The following C11orf65 variants were observed in gnomAD, a reference collection of about 807,000 sequenced individuals.
C11orf65 encodes the protein chromosome 11 open reading frame 65, also known as protein MFI.
A neutral mutation model predicts 35.3 loss-of-function variants in C11orf65; 38 were observed. That is an observed-to-expected ratio of 1.08 (90% CI 0.83 to 1.41). The LOEUF is 1.41. Among genes scored for constraint, C11orf65 ranks in the 40% most tolerant of loss-of-function variants. The probability of loss-of-function intolerance (pLI) is 0.00; values close to 1 mark genes in which losing one functional copy is unlikely to be tolerated. For synonymous variants in C11orf65, 105 were observed against 114.4 expected (o/e 0.92, Z 0.53); for missense variants, 370 against 367.1 (o/e 1.01, Z -0.06).
intron 2 of C11orf65, among the ~76,000 whole-genome samples, chr11:108,372,368 A>G (rs1431630252): frequency 6.6e-6 from 1 of 151,880 alleles, no homozygotes; most frequent in Admixed American, 6.6e-5. Flanking sequence ...TAATTTTTGT[A>G]TTTTTCATAG....
At chr11:108,401,886 C>A (rs2092445823) in intron 6 of C11orf65, among the ~76,000 whole-genome samples, 3 of 152,204 alleles carry the variant, frequency 2.0e-5, no homozygotes, top group Non-Finnish European at 1.5e-5. Context: ...ACTTAACAGA[C>A]CATTAACATA....
At chr11:108,332,961 ATTAG>A in intron 3 of C11orf65, 1 of 1,564,442 alleles carries the variant, frequency 6.4e-7, no homozygotes, top group East Asian at 2.3e-5. Context: ...GTAGAGATAT[ATTAG>A]TTATAGAGCC....
rs1264932942 is a variant in C11orf65, at chr11:108,420,779, TTTTTTA to T, written c.174+10961_174+10966del. Among the ~76,000 whole-genome samples, 108 of 152,234 alleles carry T rather than the reference TTTTTTA, an allele frequency of 7.1e-4. 1 individual carries two copies. The highest frequency in any genetic ancestry group is 2.5e-3 in the African/African-American group (102 of 41,546). On this transcript the variant is annotated intron_variant, in intron 3 of 8. Transcript: ENST00000393084. ...ACATTCCAACAGACTTTTAATTTAA[TTTTTTA>T]TTTTTATTTTGTAGAGATGGGGTCT...
intron 3 of C11orf65, among the ~76,000 whole-genome samples, chr11:108,411,190 C>G (rs2092650070): frequency 1.3e-5 from 2 of 152,050 alleles, no homozygotes; most frequent in Non-Finnish European, 2.9e-5. Context: ...TTCATTATGA[C>G]TTAGTATAAA....
intron 7 of C11orf65, among the ~76,000 whole-genome samples, chr11:108,387,148 C>CTTTTTTTTTTTTTTT (rs1175890979): frequency 1.3e-3 from 107 of 84,400 alleles, no homozygotes; most frequent in Middle Eastern, 0.019. Flanking sequence ...TTCTTTCTTT[C>CTTTTTTTTTTTTTTT]TTTTTTTTTT....
chr11:108,455,636 T>C (rs983423793), intron 2 of C11orf65, among the ~76,000 whole-genome samples: 7 of 151,140 alleles, frequency 4.6e-5, no homozygotes, highest in African/African-American at 1.5e-4. Context: ...ACCAACATAG[T>C]GAAATCCCAT....
Position 108,459,580 on chromosome 11 carries a change from C to A in C11orf65, c.81+1899G>T, listed in dbSNP as rs535281673. Among the ~76,000 whole-genome samples, 4 of 152,252 alleles carry A rather than the reference C, an allele frequency of 2.6e-5. No individual in the cohort carries two copies. The East Asian group carries it at 7.7e-4, about 29-fold the overall frequency. On this transcript the variant is annotated intron_variant, in intron 2 of 8. Transcript: ENST00000393084. The stretch of plus-strand genomic sequence containing the variant: ...GTTTCTACAGTTTTTCCAAAGGATG[C>A]TATCATCTATTTTTAGTTTTCCAAA...
At chr11:108,387,148 CTTTTT>C (rs1175890979) in intron 7 of C11orf65, among the ~76,000 whole-genome samples, 48 of 84,410 alleles carry the variant, frequency 5.7e-4, no homozygotes, top group Non-Finnish European at 7.7e-4. Flanking sequence ...TTCTTTCTTT[CTTTTT>C]TTTTTTTTTT....
intron 6 of C11orf65, among the ~76,000 whole-genome samples, chr11:108,402,827 C>A (rs1045795780): frequency 4.6e-5 from 7 of 152,130 alleles, no homozygotes; most frequent in African/African-American, 1.7e-4. Context: ...TGAATGGAAT[C>A]ATACAGTATG....
chr11:108,444,357 A>G (rs2135548893), intron 2 of C11orf65, among the ~76,000 whole-genome samples: 1 of 152,306 alleles, frequency 6.6e-6, no homozygotes, highest in East Asian at 1.9e-4. Flanking sequence ...GTCCAGGACC[A>G]GACGGATTCA....
intron 2 of C11orf65, chr11:108,343,114 A>T: frequency 7.2e-7 from 1 of 1,380,474 alleles, no homozygotes; most frequent in Non-Finnish European, 1.0e-6. Flanking sequence ...GAGAAATATT[A>T]ATACAACTTG....
Position 108,393,310 on chromosome 11 carries a change from G to A in C11orf65, c.629C>T (p.Thr210Ile). ...HETLGLIHTA[T>I]KGLIRAFEDG... ...TTCAAAAGCTCTAATCAGCCCCTTTGTTGCAGTGTGAATTAGTCCTAGAGT... is the reference window on the plus strand; with the variant it reads ...TTCAAAAGCTCTAATCAGCCCCTTTATTGCAGTGTGAATTAGTCCTAGAGT... The change falls in exon 7 of 9, where the codon ACA becomes ATA. Residue 210 changes from threonine to isoleucine, a missense_variant. By Grantham distance (89) the Thr-to-Ile change is moderately conservative. Transcript: ENST00000393084. The A allele has an allele frequency of 6.2e-7, 1 of 1,614,008 alleles. No homozygotes were observed. Among genetic ancestry groups the A allele is most frequent in the Non-Finnish European group, 8.5e-7 (1 of 1,179,956 alleles).
intron 6 of C11orf65, among the ~76,000 whole-genome samples, chr11:108,401,159 C>G (rs1443794090): frequency 6.6e-6 from 1 of 151,868 alleles, no homozygotes; most frequent in East Asian, 1.9e-4. Flanking sequence ...GCTCCCCTCA[C>G]CAAGCTATTA....
Position 108,460,726 on chromosome 11 carries a change from T to TTTGTTG in C11orf65, c.81+747_81+752dup, listed in dbSNP as rs59315807. 9.5e-4 allele frequency among the ~76,000 whole-genome samples: 144 copies of TTTGTTG among 151,106 alleles called. 1 individual carries two copies. The highest frequency in any genetic ancestry group is 2.5e-3 in the South Asian group (12 of 4,774). ...TTTTTGAAATGTTAAAAAAGTCTGC[T>TTTGTTG]TTGTTGTTGTTGTTGTTGTTGTTGT... On this transcript the variant is annotated intron_variant, in intron 2 of 8. Transcript: ENST00000393084.
intron 3 of C11orf65, among the ~76,000 whole-genome samples, chr11:108,414,522 A>G (rs1217157700): frequency 6.6e-6 from 1 of 152,140 alleles, no homozygotes; most frequent in African/African-American, 2.4e-5. Context: ...GAAGTAGTAG[A>G]TAATTTTAAT....
exon 7 of C11orf65, chr11:108,308,896 G>T: frequency 1.2e-6 from 1 of 849,750 alleles, no homozygotes; most frequent in Non-Finnish European, 1.9e-6. Flanking sequence ...CCTATCAGAA[G>T]CTTTAATGTA....
At chr11:108,369,698 T>C (rs1591400950) in intron 2 of C11orf65, among the ~76,000 whole-genome samples, 1 of 152,204 alleles carries the variant, frequency 6.6e-6, no homozygotes, top group Non-Finnish European at 1.5e-5. Context: ...TACAACAGTA[T>C]GTAGAAATAT....
chr11:108,378,106 T>G (rs1217430384), downstream of C11orf65, among the ~76,000 whole-genome samples: 1 of 152,126 alleles, frequency 6.6e-6, no homozygotes, highest in Non-Finnish European at 1.5e-5. Flanking sequence ...ACCAATGACT[T>G]TCTTCACAGA....
chr11:108,405,813 A>G (rs2092530394), intron 5 of C11orf65, among the ~76,000 whole-genome samples: 2 of 152,198 alleles, frequency 1.3e-5, no homozygotes, highest in Non-Finnish European at 2.9e-5. Context: ...ATGGATAAAT[A>G]AACAGATATA....
Sources: gnomAD v4.1 joint callset for allele counts (sites outside exome capture counted in the v4.1 genomes callset) on GRCh38, gnomAD v4.1.1 for gene constraint, MANE v1.5 for transcripts, NCBI Gene and HGNC (gene_info 2026-07-23, HGNC 2026-07-21) for gene names.